The following IGFL2 variants were observed in gnomAD, a reference collection of about 807,000 sequenced individuals.
IGFL2 encodes the protein IGF like family member 2.
In IGFL2, 7 loss-of-function variants were observed where a neutral mutation model predicts 13.9. The observed-to-expected ratio is 0.51, with a 90% CI of 0.29 to 0.95. The LOEUF (loss-of-function observed/expected upper bound fraction) is 0.95, where lower values mean the gene tolerates loss of function less well. Among genes scored for constraint, IGFL2 ranks in the 40% least tolerant of loss-of-function variants. The probability of loss-of-function intolerance (pLI) is 0.08; values close to 1 mark genes in which losing one functional copy is unlikely to be tolerated. For synonymous variants in IGFL2, 55 were observed against 55.8 expected, an observed-to-expected ratio of 0.99 and a Z score of 0.07; for missense variants, 138 against 147.8, an observed-to-expected ratio of 0.93 and a Z score of 0.34.
the IGFL2 span, among the ~76,000 whole-genome samples, chr19:46,123,556 C>T: frequency 1.3e-5 from 2 of 150,658 alleles, no homozygotes; most frequent in Admixed American, 6.6e-5. Flanking sequence ...AGAAGCAAAA[C>T]ATCTTTGTCT....
At chr19:46,148,237 C>A (rs1284417563), upstream of IGFL2, 2 of 1,544,508 alleles carry the variant, frequency 1.3e-6, no homozygotes, top group South Asian at 1.2e-5. Flanking sequence ...AGTCACTGAC[C>A]CATTTGCACT....
intron 3 of IGFL2, 61 bp from the exon 4 acceptor site, chr19:46,161,009 A>T: frequency 6.4e-7 from 1 of 1,559,040 alleles, no homozygotes; most frequent in Non-Finnish European, 8.8e-7. Flanking sequence ...CAGTTTCTCA[A>T]ATATTTTCAG....
chr19:46,103,811 A>G, the IGFL2 span, among the ~76,000 whole-genome samples: 26 of 152,286 alleles, frequency 1.7e-4, no homozygotes, highest in African/African-American at 4.6e-4. Context: ...AAGGGTTACT[A>G]TTATCATTTA....
At chr19:46,161,318 C>CTTTTTTTTT (rs71175262), downstream of IGFL2, 1 of 228,618 alleles carries the variant, frequency 4.4e-6, no homozygotes, top group African/African-American at 2.8e-5. Context: ...CGTCTCCTTT[C>CTTTTTTTTT]TTTTTTTTTT....
chr19:46,148,414 C>A, intron 1 of IGFL2, 117 bp downstream of exon 1: 1 of 892,778 alleles, frequency 1.1e-6, no homozygotes, highest in Non-Finnish European at 1.8e-6. Flanking sequence ...ACCTCATAAT[C>A]ACCCGTGTCC....
the IGFL2 span, among the ~76,000 whole-genome samples, chr19:46,127,986 C>A: frequency 6.6e-6 from 1 of 152,018 alleles, no homozygotes; most frequent in African/African-American, 2.4e-5. Flanking sequence ...TTTTTTGTGT[C>A]ATCTCTGATT....
At chr19:46,134,898 TTC>T in the IGFL2 span, among the ~76,000 whole-genome samples, 1 of 152,170 alleles carries the variant, frequency 6.6e-6, no homozygotes, top group African/African-American at 2.4e-5. Flanking sequence ...GCCCTGACTC[TTC>T]TCTGTCTCAA....
chr19:46,088,464 A>T, the IGFL2 span, among the ~76,000 whole-genome samples: 1,661 of 152,348 alleles, frequency 0.011, 32 homozygotes, highest in African/African-American at 0.038. Context: ...ACAACCTTCA[A>T]TTGTAACATA....
At chr19:46,202,524 TTGGTACTTGCCATCCAGGGGAGG>T in the IGFL2 span, 2 of 149,474 alleles carry the variant, frequency 1.3e-5, no homozygotes, top group Non-Finnish European at 3.0e-5. Context: ...GAGAGGGGGG[TTGGTACTTGCCATCCAGGGGAGG>T]TGGTACTTGC....
At chr19:46,104,249 G>A in the IGFL2 span, among the ~76,000 whole-genome samples, 2,332 of 152,254 alleles carry the variant, frequency 0.015, 65 homozygotes, top group African/African-American at 0.053. Context: ...GTAGCATCTC[G>A]AGGACAGGCT....
chr19:46,171,419 C>A, the IGFL2 span, among the ~76,000 whole-genome samples: 1 of 152,176 alleles, frequency 6.6e-6, no homozygotes, highest in East Asian at 1.9e-4. Context: ...TGGTGACTTG[C>A]TCACTCAGAT....
At chr19:46,164,911 G>A (rs772890038), downstream of IGFL2, among the ~76,000 whole-genome samples, 5 of 152,196 alleles carry the variant, frequency 3.3e-5, no homozygotes, top group African/African-American at 1.2e-4. Flanking sequence ...CTTGAGTGTC[G>A]TCTGGTCAGG....
chr19:46,089,519 A>G, the IGFL2 span, among the ~76,000 whole-genome samples: 1 of 149,638 alleles, frequency 6.7e-6, no homozygotes, highest in Non-Finnish European at 1.5e-5. Flanking sequence ...AGCTTGAAAA[A>G]CTCCCTTTAG....
chr19:46,188,030 C>T, the IGFL2 span, among the ~76,000 whole-genome samples: 1 of 152,204 alleles, frequency 6.6e-6, no homozygotes, highest in South Asian at 2.1e-4. Flanking sequence ...AAAATCGGAC[C>T]TTGGTGATGA....
the IGFL2 span, among the ~76,000 whole-genome samples, chr19:46,090,557 G>A: frequency 6.6e-6 from 1 of 152,226 alleles, no homozygotes; most frequent in Non-Finnish European, 1.5e-5. Context: ...ACAGACTGGT[G>A]TGATCTCTGT....
the IGFL2 span, among the ~76,000 whole-genome samples, chr19:46,199,685 TC>T: frequency 1.3e-5 from 2 of 152,130 alleles, no homozygotes; most frequent in African/African-American, 2.4e-5. Context: ...ACAATCCTAA[TC>T]CTGACCCAAG....
At chr19:46,156,800 G>A (rs1362435618) in intron 1 of IGFL2, among the ~76,000 whole-genome samples, 2 of 152,066 alleles carry the variant, frequency 1.3e-5, no homozygotes, top group South Asian at 2.1e-4. Flanking sequence ...AGCAGGAGTC[G>A]ATAAAATTGA....
the IGFL2 span, among the ~76,000 whole-genome samples, chr19:46,082,848 A>G: frequency 1.4e-4 from 22 of 152,194 alleles, no homozygotes; most frequent in Non-Finnish European, 3.1e-4. Context: ...GACAAACTGC[A>G]TAGGAATCTC....
chr19:46,153,878 A>G (rs1973658411), intron 1 of IGFL2, among the ~76,000 whole-genome samples: 2 of 150,928 alleles, frequency 1.3e-5, no homozygotes, highest in Admixed American at 1.3e-4. Flanking sequence ...TGTGCTGAAC[A>G]TGCAGGTTTG....
Sources: gnomAD v4.1 joint callset for allele counts (sites outside exome capture counted in the v4.1 genomes callset) on GRCh38, gnomAD v4.1.1 for gene constraint, MANE v1.5 for transcripts, NCBI Gene and HGNC (gene_info 2026-07-23, HGNC 2026-07-21) for gene names.